The following MYO16 variants were observed in gnomAD, a reference collection of about 807,000 sequenced individuals.
The protein encoded by MYO16 is myosin XVI.
Under a neutral mutation model 205.3 loss-of-function variants are expected in MYO16, and 94 were observed. The observed-to-expected ratio is 0.46, with a 90% CI of 0.39 to 0.54. The LOEUF (loss-of-function observed/expected upper bound fraction) is 0.54. MYO16 is among the 20% of genes least tolerant of loss of function. The pLI, the probability that MYO16 is intolerant of heterozygous loss-of-function variation, is 0.00. For synonymous variants in MYO16, 988 were observed against 954.0 expected (o/e 1.04, Z -0.66); for missense variants, 2,315 against 2,387.5 (o/e 0.97, Z 0.63).
At chr13:109,063,832 C>T (rs773471381) in intron 27 of MYO16, among the ~76,000 whole-genome samples, 5 of 152,124 alleles carry the variant, frequency 3.3e-5, no homozygotes, top group Non-Finnish European at 5.9e-5. Context: ...CATGTGGTTT[C>T]AAAGATTTTG....
At chr13:108,886,875 G>A (rs1027372954) in intron 13 of MYO16, among the ~76,000 whole-genome samples, 1 of 152,050 alleles carries the variant, frequency 6.6e-6, no homozygotes. Flanking sequence ...CAAATCTCTG[G>A]TTACTAGGAC....
At chr13:108,958,844 C>G (rs745622034) in intron 17 of MYO16, among the ~76,000 whole-genome samples, 22 of 152,110 alleles carry the variant, frequency 1.4e-4, no homozygotes, top group Admixed American at 5.2e-4. Context: ...GGATTATGGT[C>G]AATTTACGGC....
At chr13:109,154,693 C>A (rs1483631668) in intron 32 of MYO16, among the ~76,000 whole-genome samples, 2 of 151,920 alleles carry the variant, frequency 1.3e-5, no homozygotes, top group Non-Finnish European at 2.9e-5. Flanking sequence ...GAGGAGGAAC[C>A]ATTTCCCTCC....
chr13:109,006,263 G>A (rs146490291), intron 21 of MYO16, among the ~76,000 whole-genome samples: 18,157 of 151,990 alleles, frequency 0.12, 1,252 homozygotes, highest in East Asian at 0.2. Context: ...TATTTGAGAC[G>A]GAGTCTTGCT....
chr13:108,740,248 T>C (rs1178881125), intron 4 of MYO16, among the ~76,000 whole-genome samples: 2 of 152,174 alleles, frequency 1.3e-5, no homozygotes, highest in South Asian at 2.1e-4. Context: ...GGCTCTGTTT[T>C]TTCCCCATCT....
At chr13:108,569,848 G>A in the MYO16 span, among the ~76,000 whole-genome samples, 6 of 151,994 alleles carry the variant, frequency 3.9e-5, no homozygotes, top group African/African-American at 9.7e-5. Flanking sequence ...TTTAACATGC[G>A]CTATTATTGT....
intron 27 of MYO16, among the ~76,000 whole-genome samples, chr13:109,056,799 G>T (rs1318066625): frequency 6.6e-6 from 1 of 151,878 alleles, no homozygotes; most frequent in East Asian, 1.9e-4. Context: ...AAACAGGGGT[G>T]GGCAAAAAGG....
the MYO16 span, among the ~76,000 whole-genome samples, chr13:108,519,724 G>A: frequency 2.6e-5 from 4 of 151,138 alleles, no homozygotes; most frequent in Middle Eastern, 3.2e-3. Context: ...AGTTTACAAA[G>A]GCTATCTAAG....
At chr13:108,680,033 A>G (rs1224310667) in intron 2 of MYO16, among the ~76,000 whole-genome samples, 1 of 151,668 alleles carries the variant, frequency 6.6e-6, no homozygotes, top group African/African-American at 2.4e-5. Flanking sequence ...CTTAGATCCC[A>G]GTTTCTGTCT....
intron 29 of MYO16, among the ~76,000 whole-genome samples, chr13:109,121,790 C>T (rs181638780): frequency 6.6e-6 from 1 of 152,316 alleles, no homozygotes; most frequent in East Asian, 1.9e-4. Context: ...CCACTTTCAC[C>T]AGGCTGAGGC....
chr13:108,804,827 G>A (rs1887066157), intron 6 of MYO16, among the ~76,000 whole-genome samples: 1 of 152,196 alleles, frequency 6.6e-6, no homozygotes, highest in Admixed American at 6.5e-5. Context: ...TAGTGAGTGA[G>A]CCAGGACTTC....
intron 1 of MYO16, among the ~76,000 whole-genome samples, chr13:108,620,552 T>C (rs1879501985): frequency 6.6e-6 from 1 of 152,170 alleles, no homozygotes; most frequent in Non-Finnish European, 1.5e-5. Context: ...GTTTCCAGTA[T>C]TGGCAACATT....
intron 11 of MYO16, among the ~76,000 whole-genome samples, chr13:108,864,533 G>C (rs1878609966): frequency 1.3e-5 from 2 of 151,678 alleles, no homozygotes. Flanking sequence ...TTTTGTTTTT[G>C]TTTTTGTGTT....
intron 1 of MYO16, among the ~76,000 whole-genome samples, chr13:108,600,841 T>C (rs1181023987): frequency 6.6e-6 from 1 of 152,208 alleles, no homozygotes; most frequent in Non-Finnish European, 1.5e-5. Context: ...CCAACCTGTA[T>C]TTATTTTACT....
chr13:109,021,674 A>G (rs1028821864), intron 23 of MYO16, among the ~76,000 whole-genome samples: 3 of 152,070 alleles, frequency 2.0e-5, no homozygotes, highest in Admixed American at 1.3e-4. Flanking sequence ...CCTACCTAGT[A>G]TTTGGGAAGT....
the MYO16 span, among the ~76,000 whole-genome samples, chr13:108,557,114 G>T: frequency 1.3e-5 from 2 of 152,022 alleles, no homozygotes; most frequent in Non-Finnish European, 2.9e-5. Flanking sequence ...TGGCAATTTG[G>T]GGTCTTCTGC....
chr13:108,531,562 G>A, the MYO16 span, among the ~76,000 whole-genome samples: 5 of 152,118 alleles, frequency 3.3e-5, no homozygotes, highest in South Asian at 2.1e-4. Flanking sequence ...ATGGGTGGAC[G>A]TACTCGTTAC....
chr13:109,088,669 G>A (rs977452325), intron 27 of MYO16, among the ~76,000 whole-genome samples: 4 of 152,246 alleles, frequency 2.6e-5, no homozygotes, highest in Admixed American at 1.3e-4. Flanking sequence ...CGGTGCCTGA[G>A]AGGCGGCGGT....
chr13:108,626,886 T>G (rs1879759221), upstream of MYO16, among the ~76,000 whole-genome samples: 1 of 146,696 alleles, frequency 6.8e-6, no homozygotes, highest in African/African-American at 2.5e-5. Context: ...ATATGTATAT[T>G]TTATGTATAT....
Sources: gnomAD v4.1 joint callset for allele counts (sites outside exome capture counted in the v4.1 genomes callset) on GRCh38, gnomAD v4.1.1 for gene constraint, MANE v1.5 for transcripts, NCBI Gene and HGNC (gene_info 2026-07-23, HGNC 2026-07-21) for gene names.